TNNI3K: variants seen among roughly 807,000 people sequenced by gnomAD.
TNNI3K encodes the protein serine/threonine-protein kinase TNNI3K.
TNNI3K carries 140 observed loss-of-function variants against 114.5 expected under a neutral mutation model. That is an observed-to-expected ratio of 1.22 (90% CI 1.07 to 1.41). TNNI3K has a LOEUF of 1.41. Among genes scored for constraint, TNNI3K ranks in the 40% most tolerant of loss-of-function variants. The pLI is 0.00. For missense variants in TNNI3K, 1,125 were observed against 1,007.6 expected (o/e 1.12, Z -1.58); for synonymous variants, 347 against 347.5 (o/e 1.00, Z 0.02).
At chr1:74,476,121 T>G (rs1335533208) in intron 21 of TNNI3K, among the ~76,000 whole-genome samples, 1 of 152,008 alleles carries the variant, frequency 6.6e-6, no homozygotes, top group Non-Finnish European at 1.5e-5. Flanking sequence ...GCAGTAACAT[T>G]ATTTTTTCGG....
chr1:74,402,384 A>AC, intron 17 of TNNI3K, among the ~76,000 whole-genome samples: 1 of 152,222 alleles, frequency 6.6e-6, no homozygotes, highest in East Asian at 1.9e-4. Flanking sequence ...TACCTCCAAA[A>AC]CCCACTGAAA....
intron 23 of TNNI3K, among the ~76,000 whole-genome samples, chr1:74,502,624 G>C (rs748218296): frequency 6.6e-6 from 1 of 152,146 alleles, no homozygotes; most frequent in African/African-American, 2.4e-5. Context: ...GAACTACCTC[G>C]CACTTAAACT....
At chr1:74,487,504 T>C (rs1266701274) in intron 21 of TNNI3K, among the ~76,000 whole-genome samples, 2 of 152,148 alleles carry the variant, frequency 1.3e-5, no homozygotes, top group Non-Finnish European at 2.9e-5. Context: ...CCAGGCAGAA[T>C]GGATTCAATA....
chr1:74,253,458 G>A (rs557539218), intron 4 of TNNI3K, among the ~76,000 whole-genome samples: 1 of 152,290 alleles, frequency 6.6e-6, no homozygotes, highest in South Asian at 2.1e-4. Context: ...GCTCAGGCAT[G>A]GCGGGCTGCA....
At chr1:74,498,945 T>C (rs1233315131) in intron 23 of TNNI3K, among the ~76,000 whole-genome samples, 1 of 152,234 alleles carries the variant, frequency 6.6e-6, no homozygotes, top group East Asian at 1.9e-4. Flanking sequence ...ATGACGCTTA[T>C]TTTAGCATGA....
At position 74,257,663 on chromosome 1, in the gene TNNI3K, C is replaced by CTTACCTCTTTT. The variant is rs771946564; in HGVS notation, c.333+6896_333+6897insACCTCTTTTTT. ...TTGAACTTAGCCTCTTGGCTTACCT[C>CTTACCTCTTTT]TTTTTTTTTTTTTTTTTTTTTTTGA... is the stretch of plus-strand genomic sequence containing the variant. On this transcript the variant is annotated intron_variant, in intron 4 of 24. Coordinates refer to ENST00000326637, the MANE Select transcript of TNNI3K (RefSeq NM_015978.3). 1.5e-4 allele frequency among the ~76,000 whole-genome samples: 13 copies of CTTACCTCTTTT among 87,274 alleles called. 1 individual carries two copies. The highest frequency in any genetic ancestry group is 7.0e-4 in the African/African-American group (13 of 18,638). 57.3% of individuals were successfully genotyped at this position (87,274 alleles called of 152,430 possible). A position where few individuals can be genotyped will look rare whatever the true frequency, so the allele number is the denominator to read the frequency against.
intron 13 of TNNI3K, 157 bp from the exon 14 acceptor site, chr1:74,368,865 G>T: frequency 1.6e-6 from 1 of 643,996 alleles, no homozygotes; most frequent in Non-Finnish European, 2.5e-6. Context: ...TTGGGTTAAG[G>T]TTTTAGCATC....
At chr1:74,392,080 C>T (rs1175342185) in intron 17 of TNNI3K, among the ~76,000 whole-genome samples, 1 of 151,342 alleles carries the variant, frequency 6.6e-6, no homozygotes, top group Non-Finnish European at 1.5e-5. Context: ...ATTCTCCTGC[C>T]TCAGCCTCCC....
At chr1:74,465,753 T>C (rs1282638047) in intron 21 of TNNI3K, among the ~76,000 whole-genome samples, 1 of 152,174 alleles carries the variant, frequency 6.6e-6, no homozygotes, top group Admixed American at 6.5e-5. Flanking sequence ...AACTTTTATG[T>C]CTATCTAGAG....
chr1:74,238,086 A>G (rs1653968368), intron 2 of TNNI3K, among the ~76,000 whole-genome samples: 1 of 152,030 alleles, frequency 6.6e-6, no homozygotes, highest in Admixed American at 6.6e-5. Context: ...ATCATTGTAG[A>G]TAAAAAGCAT....
At chr1:74,396,340 G>A (rs1177239538) in intron 17 of TNNI3K, among the ~76,000 whole-genome samples, 2 of 152,174 alleles carry the variant, frequency 1.3e-5, no homozygotes, top group African/African-American at 4.8e-5. Context: ...TGTCTAACAG[G>A]TACCCTCTTA....
chr1:74,236,977 A>G (rs925440574), intron 2 of TNNI3K, among the ~76,000 whole-genome samples: 1 of 151,922 alleles, frequency 6.6e-6, no homozygotes, highest in Non-Finnish European at 1.5e-5. Context: ...TATGTAATGC[A>G]CTCATGGCAA....
At chr1:74,530,421 G>T (rs533392195) in intron 23 of TNNI3K, among the ~76,000 whole-genome samples, 1 of 152,282 alleles carries the variant, frequency 6.6e-6, no homozygotes, top group Non-Finnish European at 1.5e-5. Flanking sequence ...AAAATGAGTT[G>T]TTAGGTGGGG....
intron 17 of TNNI3K, among the ~76,000 whole-genome samples, chr1:74,377,978 T>C (rs1406767917): frequency 6.6e-6 from 1 of 152,120 alleles, no homozygotes; most frequent in East Asian, 1.9e-4. Context: ...GTTTTCGTAA[T>C]GCTTCCAGCC....
chr1:74,350,077 T>G (rs1661252914), intron 9 of TNNI3K, among the ~76,000 whole-genome samples: 1 of 152,222 alleles, frequency 6.6e-6, no homozygotes, highest in Admixed American at 6.5e-5. Flanking sequence ...GTGTCAATTT[T>G]AGATCTTTCC....
chr1:74,407,881 C>T (rs935762364), intron 17 of TNNI3K, among the ~76,000 whole-genome samples: 10 of 152,122 alleles, frequency 6.6e-5, no homozygotes, highest in African/African-American at 1.7e-4. Context: ...TGAAAATCAC[C>T]TGCTCCTTTT....
At chr1:74,369,641 A>C (rs1052221933) in intron 16 of TNNI3K, 56 bp downstream of exon 16, 3 of 1,505,222 alleles carry the variant, frequency 2.0e-6, no homozygotes, top group Admixed American at 4.5e-5. Context: ...CTACTCTTGC[A>C]ATACTTCAGA....
At chr1:74,237,529 A>T (rs1337992402) in intron 2 of TNNI3K, among the ~76,000 whole-genome samples, 2 of 151,990 alleles carry the variant, frequency 1.3e-5, no homozygotes, top group African/African-American at 4.8e-5. Flanking sequence ...TAATTTAGAA[A>T]GTATTGAGCA....
intron 17 of TNNI3K, among the ~76,000 whole-genome samples, chr1:74,435,687 G>C (rs904346033): frequency 6.6e-6 from 1 of 151,898 alleles, no homozygotes; most frequent in Non-Finnish European, 1.5e-5. Flanking sequence ...TTGTGCCTAG[G>C]GTTCCAGCAA....
Sources: gnomAD v4.1 joint callset for allele counts (sites outside exome capture counted in the v4.1 genomes callset) on GRCh38, gnomAD v4.1.1 for gene constraint, MANE v1.5 for transcripts, NCBI Gene and HGNC (gene_info 2026-07-23, HGNC 2026-07-21) for gene names.